Variants in TAS2R1 observed in about 807,000 individuals in gnomAD.
The protein encoded by TAS2R1 is taste 2 receptor member 1.
For synonymous variants in TAS2R1, 141 were observed against 134.2 expected (o/e 1.05, Z -0.35); for missense variants, 370 against 353.4 (o/e 1.05, Z -0.38).
the TAS2R1 span, among the ~76,000 whole-genome samples, chr5:9,890,532 C>T: frequency 1.3e-5 from 2 of 152,106 alleles, no homozygotes; most frequent in African/African-American, 4.8e-5. Context: ...GCTCATGTTG[C>T]CATCCTAAAG....
chr5:9,881,804 T>C, the TAS2R1 span, among the ~76,000 whole-genome samples: 12,500 of 152,232 alleles, frequency 0.082, 552 homozygotes, highest in Non-Finnish European at 0.097. Context: ...TGGCTAGCCA[T>C]ATGCAGAAAA....
At chr5:9,865,872 A>G in the TAS2R1 span, among the ~76,000 whole-genome samples, 5 of 152,224 alleles carry the variant, frequency 3.3e-5, no homozygotes, top group Non-Finnish European at 5.9e-5. Flanking sequence ...GATATGCTAA[A>G]GCATGGTTTT....
At chr5:9,755,469 C>A in the TAS2R1 span, among the ~76,000 whole-genome samples, 1 of 151,784 alleles carries the variant, frequency 6.6e-6, no homozygotes, top group Non-Finnish European at 1.5e-5. Flanking sequence ...CGCCTGTAAT[C>A]CCAGCTACTC....
chr5:9,801,235 C>T, the TAS2R1 span, among the ~76,000 whole-genome samples: 1 of 152,336 alleles, frequency 6.6e-6, no homozygotes, highest in African/African-American at 2.4e-5. Context: ...AGGAAAAAGG[C>T]AGCCATCTGC....
chr5:9,707,207 G>C (rs1469040078), intron 1 of TAS2R1, among the ~76,000 whole-genome samples: 2 of 152,186 alleles, frequency 1.3e-5, no homozygotes, highest in Non-Finnish European at 2.9e-5. Flanking sequence ...CCTCAGGCTG[G>C]TGGTGGAGCT....
At position 9,628,063 on chromosome 5, in the gene TAS2R1, T is replaced by C. The variant is rs1291751119; in HGVS notation, c.*1070A>G. Among the ~76,000 whole-genome samples the C allele has an allele frequency of 6.6e-6, 1 of 152,214 alleles. No homozygotes were observed. Among genetic ancestry groups the C allele is most frequent in the Admixed American group, 6.5e-5 (1 of 15,272 alleles). ...TAAGAACATTTTTTACTTCATTTAC[T>C]TGTCTGGAAGCAAAATGGTTCTGAA... is the stretch of plus-strand genomic sequence containing the variant. On this transcript the variant is annotated 3_prime_UTR_variant, in exon 1 of 1. Coordinates refer to ENST00000382492, the MANE Select transcript of TAS2R1 (RefSeq NM_019599.3).
chr5:9,774,412 T>A, the TAS2R1 span, among the ~76,000 whole-genome samples: 4 of 152,264 alleles, frequency 2.6e-5, no homozygotes, highest in Non-Finnish European at 5.9e-5. Flanking sequence ...TGTTTCTCCA[T>A]GATTGATCAC....
the TAS2R1 span, among the ~76,000 whole-genome samples, chr5:9,741,154 T>A: frequency 6.6e-6 from 1 of 152,186 alleles, no homozygotes; most frequent in Non-Finnish European, 1.5e-5. Flanking sequence ...ATACCACAAA[T>A]CATTGCTTAC....
the TAS2R1 span, among the ~76,000 whole-genome samples, chr5:9,754,712 A>T: frequency 3.3e-5 from 5 of 152,156 alleles, no homozygotes; most frequent in Non-Finnish European, 7.3e-5. Flanking sequence ...CTTCAAGGAG[A>T]GCTACAAACC....
intron 2 of TAS2R1, chr5:9,641,296 G>A (rs1740080632): frequency 6.6e-6 from 1 of 152,208 alleles, no homozygotes; most frequent in African/African-American, 2.4e-5. Context: ...CTAGCTTGGG[G>A]AGCAGAGACA....
At chr5:9,693,480 C>A (rs1741290785) in intron 1 of TAS2R1, among the ~76,000 whole-genome samples, 1 of 132,422 alleles carries the variant, frequency 7.6e-6, no homozygotes. Context: ...GCCAAGACCA[C>A]ACCATTACAC....
chr5:9,664,894 T>C (rs1219502094), intron 1 of TAS2R1, among the ~76,000 whole-genome samples: 3 of 152,234 alleles, frequency 2.0e-5, no homozygotes, highest in Non-Finnish European at 4.4e-5. Flanking sequence ...AGATACTCTT[T>C]ACAAATGAGG....
the TAS2R1 span, among the ~76,000 whole-genome samples, chr5:9,750,626 G>T: frequency 6.6e-6 from 1 of 152,158 alleles, no homozygotes; most frequent in Non-Finnish European, 1.5e-5. Flanking sequence ...AGAGAAGCAG[G>T]TCACTTTCTC....
At chr5:9,704,477 G>T (rs569089141) in intron 1 of TAS2R1, among the ~76,000 whole-genome samples, 13 of 151,988 alleles carry the variant, frequency 8.6e-5, no homozygotes, top group Non-Finnish European at 1.6e-4. Flanking sequence ...AAATGTATAC[G>T]GTTAATACCC....
chr5:9,817,270 G>A, the TAS2R1 span, among the ~76,000 whole-genome samples: 2 of 152,146 alleles, frequency 1.3e-5, no homozygotes, highest in South Asian at 4.1e-4. Flanking sequence ...TCATAGAGAT[G>A]GGAATGAGAT....
At chr5:9,729,341 G>A in the TAS2R1 span, among the ~76,000 whole-genome samples, 2 of 152,190 alleles carry the variant, frequency 1.3e-5, no homozygotes, top group African/African-American at 4.8e-5. Flanking sequence ...AGGCTGGTGG[G>A]CAAGTTGATC....
the TAS2R1 span, among the ~76,000 whole-genome samples, chr5:9,769,366 C>T: frequency 6.6e-6 from 1 of 152,126 alleles, no homozygotes; most frequent in Non-Finnish European, 1.5e-5. Flanking sequence ...GTGAACAATG[C>T]TGCAATAAAC....
the TAS2R1 span, among the ~76,000 whole-genome samples, chr5:9,763,023 C>A: frequency 2.6e-5 from 4 of 152,176 alleles, no homozygotes; most frequent in South Asian, 8.3e-4. Context: ...GAAATATATA[C>A]AAAATTGCAA....
At chr5:9,853,137 C>T in the TAS2R1 span, among the ~76,000 whole-genome samples, 1 of 152,206 alleles carries the variant, frequency 6.6e-6, no homozygotes, top group Non-Finnish European at 1.5e-5. Context: ...ACATGAAACA[C>T]ATTAATGCAT....
Sources: allele counts gnomAD v4.1 joint callset (sites outside exome capture counted in the v4.1 genomes callset), GRCh38; gene constraint gnomAD v4.1.1; transcripts MANE v1.5; gene names NCBI Gene and HGNC (gene_info 2026-07-23, HGNC 2026-07-21).